PRTFDC1: variants seen among roughly 807,000 people sequenced by gnomAD.
The protein encoded by PRTFDC1 is phosphoribosyltransferase domain-containing protein 1.
A neutral mutation model predicts 34.6 loss-of-function variants in PRTFDC1; 38 were observed. That is an observed-to-expected ratio of 1.10 (90% CI 0.85 to 1.44). The LOEUF is 1.44. Ranked by LOEUF, PRTFDC1 falls within the 40% of genes most tolerant of loss-of-function variation. The probability of loss-of-function intolerance (pLI) is 0.00; values close to 1 mark genes in which losing one functional copy is unlikely to be tolerated. For missense variants in PRTFDC1, 270 were observed against 283.0 expected (o/e 0.95, Z 0.33); for synonymous variants, 93 against 98.1 (o/e 0.95, Z 0.31).
At chr10:24,881,218 C>T (rs532305968) in intron 3 of PRTFDC1, among the ~76,000 whole-genome samples, 1 of 144,918 alleles carries the variant, frequency 6.9e-6, no homozygotes, top group Admixed American at 7.0e-5. Flanking sequence ...AGATGTGCAC[C>T]ACTACACCCA....
chr10:24,939,559 A>G (rs112908812), intron 2 of PRTFDC1, among the ~76,000 whole-genome samples: 106 of 151,848 alleles, frequency 7.0e-4, no homozygotes, highest in African/African-American at 2.5e-3. Context: ...TTGGGAGGCC[A>G]AGGCAGGCAG....
At chr10:24,888,783 T>A (rs541717526) in intron 3 of PRTFDC1, among the ~76,000 whole-genome samples, 1 of 152,300 alleles carries the variant, frequency 6.6e-6, no homozygotes, top group Admixed American at 6.5e-5. Flanking sequence ...ACATAATATA[T>A]AATATACATC....
intron 1 of PRTFDC1, among the ~76,000 whole-genome samples, chr10:24,945,825 T>C (rs550932996): frequency 1.3e-5 from 2 of 152,228 alleles, no homozygotes; most frequent in Non-Finnish European, 2.9e-5. Context: ...CCGGTGGGAC[T>C]GCTGGATTTG....
chr10:24,902,711 A>G (rs1038354396), intron 3 of PRTFDC1, among the ~76,000 whole-genome samples: 1 of 152,216 alleles, frequency 6.6e-6, no homozygotes, highest in Non-Finnish European at 1.5e-5. Context: ...AGGTAACAAG[A>G]AGGAAAGTAA....
intron 1 of PRTFDC1, among the ~76,000 whole-genome samples, chr10:24,945,632 T>A (rs1849240192): frequency 6.6e-6 from 1 of 152,184 alleles, no homozygotes; most frequent in African/African-American, 2.4e-5. Flanking sequence ...TTTCTTAATT[T>A]CTTTTGTAGA....
At chr10:24,856,517 GGTGGAGGTTGCA>G (rs1184794101) in intron 6 of PRTFDC1, among the ~76,000 whole-genome samples, 1 of 152,104 alleles carries the variant, frequency 6.6e-6, no homozygotes, top group Non-Finnish European at 1.5e-5. Flanking sequence ...GAACCCAGGG[GGTGGAGGTTGCA>G]GTGAGCCGAG....
rs1197658233 is a variant in PRTFDC1 at position 24,858,796 on chromosome 10, CGT to C, written c.406-389_406-388del. Among the ~76,000 whole-genome samples, 16 of 152,204 alleles carry C rather than the reference CGT, an allele frequency of 1.1e-4. No individual in the cohort carries two copies. The South Asian group carries it at 3.1e-3, about 30-fold the overall frequency. On this transcript the variant is annotated intron_variant, in intron 4 of 8. Transcript: ENST00000320152. ...CATGAACTGCATTGCTAATGGAGAC[CGT>C]GCTCGGTAAATGCATCATGGGTTCA... is the stretch of plus-strand genomic sequence containing the variant.
At chr10:24,949,534 C>A (rs1368252983) in intron 1 of PRTFDC1, among the ~76,000 whole-genome samples, 1 of 152,152 alleles carries the variant, frequency 6.6e-6, no homozygotes, top group East Asian at 1.9e-4. Flanking sequence ...CTTCGATTCG[C>A]TCTGAAGTTG....
chr10:24,889,028 C>T (rs881486), intron 3 of PRTFDC1, among the ~76,000 whole-genome samples: 75,360 of 151,970 alleles, frequency 0.5, 19,232 homozygotes, highest in South Asian at 0.7. Flanking sequence ...TACCCCCCTC[C>T]CCGACCCTGC....
chr10:24,914,711 C>T (rs1051909365), intron 3 of PRTFDC1, among the ~76,000 whole-genome samples: 39 of 152,164 alleles, frequency 2.6e-4, no homozygotes, highest in African/African-American at 9.4e-4. Context: ...AGGTCTAGGC[C>T]ATAATAAATG....
At chr10:24,943,650 A>G (rs60437593) in intron 1 of PRTFDC1, among the ~76,000 whole-genome samples, 1,535 of 144,330 alleles carry the variant, frequency 0.011, 30 homozygotes, top group African/African-American at 0.037. Flanking sequence ...CCCAGGTTCA[A>G]CTGATTGTCC....
intron 3 of PRTFDC1, among the ~76,000 whole-genome samples, chr10:24,882,216 A>AAAAAAG (rs1213217923): frequency 2.6e-5 from 3 of 116,120 alleles, no homozygotes; most frequent in Non-Finnish European, 4.3e-5. Context: ...AAAAAAAAAA[A>AAAAAAG]AAAGAAAAGA....
chr10:24,906,681 C>T (rs1162188526), intron 3 of PRTFDC1, among the ~76,000 whole-genome samples: 1 of 152,188 alleles, frequency 6.6e-6, no homozygotes, highest in Non-Finnish European at 1.5e-5. Context: ...AACGTTTTTA[C>T]TTATCAAGGA....
intron 3 of PRTFDC1, among the ~76,000 whole-genome samples, chr10:24,883,818 C>CTTTTT (rs71399940): frequency 2.1e-5 from 2 of 96,578 alleles, no homozygotes; most frequent in Non-Finnish European, 4.0e-5. Flanking sequence ...CTTAAGAGAC[C>CTTTTT]TTTTTTTTTT....
chr10:24,949,730 TA>T (rs1849307534), intron 1 of PRTFDC1, among the ~76,000 whole-genome samples: 4 of 114,640 alleles, frequency 3.5e-5, no homozygotes, highest in Admixed American at 9.4e-5. Flanking sequence ...TTTATTTATT[TA>T]TTTATTTATT....
chr10:24,892,293 T>C (rs1037036872), intron 3 of PRTFDC1, among the ~76,000 whole-genome samples: 5 of 152,184 alleles, frequency 3.3e-5, no homozygotes. Flanking sequence ...GACCTAGTAG[T>C]TGTATTTTTA....
Position 24,849,859 on chromosome 10 carries a change from T to C in PRTFDC1, c.663A>G (p.Glu221=), listed in dbSNP as rs751012582. ...HICVINEHGK[E]KYRV is the part of the protein sequence containing the mutation. ...ATTCATGTCTTTAGACTCGATATTTTTCTTTACCGTGCTCATTGATGACGC... is the reference window on the plus strand; with the variant it reads ...ATTCATGTCTTTAGACTCGATATTTCTCTTTACCGTGCTCATTGATGACGC... The change falls in exon 9 of 9, where the codon GAA becomes GAG. Residue 221 remains glutamate (E), a synonymous_variant. Transcript: ENST00000320152. 6.2e-7 allele frequency: 1 copy of C among 1,614,038 alleles called. No individual in the cohort carries two copies. The highest frequency in any genetic ancestry group is 8.5e-7 in the Non-Finnish European group (1 of 1,179,910).
chr10:24,929,098 C>A (rs1363306170), intron 3 of PRTFDC1, among the ~76,000 whole-genome samples: 1 of 149,652 alleles, frequency 6.7e-6, no homozygotes, highest in African/African-American at 2.5e-5. Context: ...ATTCCAGGCA[C>A]CCTTGCTACT....
At chr10:24,917,325 G>C (rs1235562449) in intron 3 of PRTFDC1, among the ~76,000 whole-genome samples, 1 of 152,186 alleles carries the variant, frequency 6.6e-6, no homozygotes, top group Admixed American at 6.5e-5. Flanking sequence ...AGAAAGTGTG[G>C]TGGGGGTAGG....
Sources: gnomAD v4.1 joint callset for allele counts (sites outside exome capture counted in the v4.1 genomes callset) on GRCh38, gnomAD v4.1.1 for gene constraint, MANE v1.5 for transcripts, NCBI Gene and HGNC (gene_info 2026-07-23, HGNC 2026-07-21) for gene names.